Variants in ZBED4 observed in about 807,000 individuals in gnomAD.
The protein encoded by ZBED4 is zinc finger BED-type containing 4.
Under a neutral mutation model 15.5 loss-of-function variants are expected in ZBED4, and 4 were observed. That is an observed-to-expected ratio of 0.26 (90% confidence interval 0.13 to 0.59). The LOEUF (loss-of-function observed/expected upper bound fraction) is 0.59, where lower values mean the gene tolerates loss of function less well. ZBED4 is among the 20% of genes least tolerant of loss of function. The probability of loss-of-function intolerance (pLI) is 0.90; values close to 1 mark genes in which losing one functional copy is unlikely to be tolerated. For synonymous variants in ZBED4, 692 were observed against 608.5 expected (o/e 1.14, Z -2.02); for missense variants, 1,323 against 1,461.8 (o/e 0.91, Z 1.55).
chr22:49,862,693 CTTTTTT>C (rs66520307), intron 1 of ZBED4, among the ~76,000 whole-genome samples: 2 of 58,988 alleles, frequency 3.4e-5, no homozygotes, highest in African/African-American at 1.1e-4. Context: ...TAAGTTTTTC[CTTTTTT>C]TTTTTTTTTT....
chr22:49,854,637 G>A (rs1278493783), intron 1 of ZBED4, among the ~76,000 whole-genome samples: 1 of 152,114 alleles, frequency 6.6e-6, no homozygotes, highest in African/African-American at 2.4e-5. Context: ...CTTTTGTCCC[G>A]TTGTGTGGCC....
At chr22:49,868,734 CT>C (rs2060332404) in intron 1 of ZBED4, among the ~76,000 whole-genome samples, 1 of 152,108 alleles carries the variant, frequency 6.6e-6, no homozygotes, top group African/African-American at 2.4e-5. Flanking sequence ...TCTGCAGCTA[CT>C]TCGTGCATGT....
intron 1 of ZBED4, among the ~76,000 whole-genome samples, chr22:49,872,321 C>G (rs1484455782): frequency 1.3e-5 from 2 of 152,164 alleles, no homozygotes; most frequent in Non-Finnish European, 2.9e-5. Context: ...CTCATTCACT[C>G]AAGTTTTATC....
At chr22:49,865,105 T>C (rs1325053740) in intron 1 of ZBED4, among the ~76,000 whole-genome samples, 1 of 152,032 alleles carries the variant, frequency 6.6e-6, no homozygotes, top group African/African-American at 2.4e-5. Context: ...ATGTTGTCGT[T>C]GTGTGAACCT....
chr22:49,878,014 TCATA>T (rs2060387035), intron 1 of ZBED4, among the ~76,000 whole-genome samples: 2 of 152,170 alleles, frequency 1.3e-5, no homozygotes, highest in Non-Finnish European at 2.9e-5. Context: ...ATGTAAGTCT[TCATA>T]CAGAGGCCAG....
chr22:49,859,488 G>T (rs541423029), intron 1 of ZBED4, among the ~76,000 whole-genome samples: 1 of 152,148 alleles, frequency 6.6e-6, no homozygotes, highest in South Asian at 2.1e-4. Context: ...TTCTGGCCCA[G>T]TGTCCCAGGC....
intron 1 of ZBED4, among the ~76,000 whole-genome samples, chr22:49,874,764 G>A (rs559865272): frequency 3.9e-5 from 5 of 126,746 alleles, no homozygotes; most frequent in Non-Finnish European, 6.2e-5. Context: ...ACTGCACCTC[G>A]ACCTCCCGTC....
intron 1 of ZBED4, among the ~76,000 whole-genome samples, chr22:49,858,839 T>G (rs1452665614): frequency 1.3e-5 from 2 of 152,166 alleles, no homozygotes; most frequent in Non-Finnish European, 2.9e-5. Flanking sequence ...CGTGTCACAG[T>G]GGCTGTGAGG....
intron 1 of ZBED4, among the ~76,000 whole-genome samples, chr22:49,881,097 G>C (rs1038622840): frequency 5.3e-5 from 8 of 152,218 alleles, no homozygotes; most frequent in Non-Finnish European, 8.8e-5. Flanking sequence ...TGTAAACCCA[G>C]CACTTCGGGA....
chr22:49,861,839 G>T (rs779401459), intron 1 of ZBED4, among the ~76,000 whole-genome samples: 1 of 152,186 alleles, frequency 6.6e-6, no homozygotes, highest in Non-Finnish European at 1.5e-5. Context: ...TGACGTTGCC[G>T]TGTGTTGCAT....
intron 1 of ZBED4, among the ~76,000 whole-genome samples, chr22:49,869,867 G>C (rs1218889931): frequency 6.6e-6 from 1 of 152,142 alleles, no homozygotes; most frequent in East Asian, 1.9e-4. Flanking sequence ...TCACGACATG[G>C]TATATTGCGT....
At chr22:49,857,062 C>T (rs1331718488) in intron 1 of ZBED4, among the ~76,000 whole-genome samples, 2 of 152,204 alleles carry the variant, frequency 1.3e-5, no homozygotes, top group Admixed American at 6.5e-5. Flanking sequence ...TCCTGCCTTG[C>T]CACCTCCACA....
intron 1 of ZBED4, among the ~76,000 whole-genome samples, chr22:49,868,401 G>C (rs2060331249): frequency 6.6e-6 from 1 of 152,130 alleles, no homozygotes; most frequent in African/African-American, 2.4e-5. Context: ...GCAACATGGT[G>C]AAACCCCATC....
intron 1 of ZBED4, among the ~76,000 whole-genome samples, chr22:49,857,163 A>G (rs924978161): frequency 6.6e-6 from 1 of 152,220 alleles, no homozygotes; most frequent in Non-Finnish European, 1.5e-5. Flanking sequence ...TGCAGGGAGC[A>G]GGGTCGGGAG....
intron 1 of ZBED4, among the ~76,000 whole-genome samples, chr22:49,876,722 C>T (rs905697577): frequency 6.6e-6 from 1 of 152,106 alleles, no homozygotes; most frequent in Admixed American, 6.5e-5. Flanking sequence ...CATGAAATCT[C>T]TCGTTTTCAT....
Position 49,884,260 on chromosome 22 carries a change from A to T in ZBED4, c.598A>T (p.Ser200Cys). 2 of 1,609,660 alleles carry T rather than the reference A, an allele frequency of 1.2e-6. No individual in the cohort carries two copies. The highest frequency in any genetic ancestry group is 1.3e-5 in the African/African-American group (1 of 74,998). Residue 200 changes from serine (S) to cysteine (C), a missense_variant, in exon 2 of 2, where the codon AGC becomes TGC. Transcript: ENST00000216268. ...PPQPADAGDLSTILSPIKLVQ... is the reference protein window; with the variant it reads ...PPQPADAGDLCTILSPIKLVQ... ...ACAGCCTGCGGACGCGGGTGACCTCAGCACCATCCTCTCACCCATCAAACT... is the reference window on the plus strand; with the variant it reads ...ACAGCCTGCGGACGCGGGTGACCTCTGCACCATCCTCTCACCCATCAAACT...
In ZBED4 at chr22:49,867,886, A is replaced by G. The variant is rs576462847; in HGVS notation, c.-330+13897A>G. Among the ~76,000 whole-genome samples the G allele has an allele frequency of 2.0e-5, 3 of 152,370 alleles. No homozygotes were observed. In the South Asian group the frequency reaches 6.2e-4, roughly 32 times the overall value. ...CCCTCAAATGTGCTCAGACACTTAC[A>G]TGAGCCCACAGTTGGGCAGAATCAC... On this transcript the variant is annotated intron_variant, in intron 1 of 1. Coordinates refer to ENST00000216268, the MANE Select transcript of ZBED4 (RefSeq NM_014838.3).
At chr22:49,881,089 T>C (rs886085962) in intron 1 of ZBED4, among the ~76,000 whole-genome samples, 3 of 152,238 alleles carry the variant, frequency 2.0e-5, no homozygotes, top group Non-Finnish European at 4.4e-5. Context: ...CTCAGGCCTG[T>C]AAACCCAGCA....
At position 49,881,770 on chromosome 22, in the gene ZBED4, C is replaced by T. The variant is rs534639339; in HGVS notation, c.-329-1564C>T. Among the ~76,000 whole-genome samples, 332 of 152,164 alleles carry T rather than the reference C, an allele frequency of 2.2e-3. 1 individual carries two copies. The highest frequency in any genetic ancestry group is 4.6e-3 in the South Asian group (22 of 4,822). ...CTGATCTCAAACTTGTGGTTTCAAG[C>T]GATCCTCCCACCTCAGCCTCCCAAG... is the stretch of plus-strand genomic sequence containing the variant. On this transcript the variant is annotated intron_variant, in intron 1 of 1. Transcript: ENST00000216268.
Sources: allele counts gnomAD v4.1 joint callset (sites outside exome capture counted in the v4.1 genomes callset), GRCh38; gene constraint gnomAD v4.1.1; transcripts MANE v1.5; gene names NCBI Gene and HGNC (gene_info 2026-07-23, HGNC 2026-07-21).